The following DPF3 variants were observed in gnomAD, a reference collection of about 807,000 sequenced individuals.
DPF3 encodes zinc finger protein DPF3.
In DPF3, 18 loss-of-function variants were observed where a neutral mutation model predicts 56.8. That is an observed-to-expected ratio of 0.32 (90% CI 0.22 to 0.47). The LOEUF (loss-of-function observed/expected upper bound fraction) is 0.47. Ranked by LOEUF, DPF3 falls within the 20% of genes least tolerant of loss-of-function variation. The probability of loss-of-function intolerance (pLI) is 1.00; values close to 1 mark genes in which losing one functional copy is unlikely to be tolerated. For synonymous variants in DPF3, 188 were observed against 180.2 expected (o/e 1.04, Z -0.35); for missense variants, 403 against 488.8 (o/e 0.82, Z 1.65).
At chr14:72,778,984 A>G (rs1489470598) in intron 1 of DPF3, among the ~76,000 whole-genome samples, 1 of 152,218 alleles carries the variant, frequency 6.6e-6, no homozygotes, top group African/African-American at 2.4e-5. Context: ...TACCATTCAC[A>G]TCAGCGTCAA....
intron 1 of DPF3, among the ~76,000 whole-genome samples, chr14:72,835,268 G>A (rs558062189): frequency 5.7e-4 from 87 of 152,138 alleles, no homozygotes; most frequent in South Asian, 5.4e-3. Context: ...GGATTTCACC[G>A]TGTTGGCCAG....
At chr14:72,733,843 C>A (rs757022093) in intron 3 of DPF3, among the ~76,000 whole-genome samples, 1 of 152,150 alleles carries the variant, frequency 6.6e-6, no homozygotes, top group Non-Finnish European at 1.5e-5. Flanking sequence ...CATGAGGAAG[C>A]GGCAAGCGGG....
At chr14:72,663,563 T>C (rs1365184021) in intron 8 of DPF3, among the ~76,000 whole-genome samples, 1 of 152,224 alleles carries the variant, frequency 6.6e-6, no homozygotes, top group Non-Finnish European at 1.5e-5. Flanking sequence ...TAGCCACGCA[T>C]AGCTTTTGCT....
intron 1 of DPF3, among the ~76,000 whole-genome samples, chr14:72,772,568 A>G (rs992020358): frequency 6.6e-6 from 1 of 152,230 alleles, no homozygotes; most frequent in African/African-American, 2.4e-5. Context: ...AATTCAACTC[A>G]TGGAGTTTAA....
At chr14:72,642,329 G>A (rs1468506042) in intron 8 of DPF3, among the ~76,000 whole-genome samples, 1 of 152,246 alleles carries the variant, frequency 6.6e-6, no homozygotes, top group Non-Finnish European at 1.5e-5. Context: ...GGAACAGTAA[G>A]GGGCCTGGCT....
At chr14:72,745,064 T>C (rs1171155460) in intron 3 of DPF3, among the ~76,000 whole-genome samples, 3 of 136,032 alleles carry the variant, frequency 2.2e-5, no homozygotes, top group Non-Finnish European at 4.6e-5. Flanking sequence ...GGAGGGAAGA[T>C]GAGGAAAAGA....
chr14:72,724,543 G>T (rs532069202), intron 4 of DPF3, among the ~76,000 whole-genome samples: 1 of 151,894 alleles, frequency 6.6e-6, no homozygotes, highest in Admixed American at 6.6e-5. Flanking sequence ...GCCTAAGCAC[G>T]TCACTCCCTT....
intron 1 of DPF3, among the ~76,000 whole-genome samples, chr14:72,831,953 C>A (rs1018004961): frequency 1.3e-5 from 2 of 152,186 alleles, no homozygotes; most frequent in Non-Finnish European, 2.9e-5. Flanking sequence ...TGTGGTGGCT[C>A]ATGCCTGTAA....
chr14:72,860,165 T>G (rs1885339777), intron 1 of DPF3, among the ~76,000 whole-genome samples: 3 of 144,722 alleles, frequency 2.1e-5, no homozygotes, highest in Admixed American at 6.9e-5. Context: ...ACTTTTATTT[T>G]TATTAACATC....
intron 8 of DPF3, chr14:72,670,974 G>A: frequency 1.6e-6 from 1 of 617,474 alleles, no homozygotes; most frequent in Non-Finnish European, 2.6e-6. Context: ...CAGAGGGGTG[G>A]GGGGAGGGAT....
At chr14:72,748,926 G>A (rs1410148244) in intron 3 of DPF3, among the ~76,000 whole-genome samples, 1 of 152,220 alleles carries the variant, frequency 6.6e-6, no homozygotes, top group Non-Finnish European at 1.5e-5. Context: ...TAGGGGTGAG[G>A]TCCTCATGGA....
intron 3 of DPF3, among the ~76,000 whole-genome samples, chr14:72,752,417 C>A (rs764831918): frequency 6.6e-6 from 1 of 152,230 alleles, no homozygotes; most frequent in Non-Finnish European, 1.5e-5. Context: ...AATCCCAGCA[C>A]TTTGGGAAGC....
rs376458640 is a variant in DPF3, at chr14:72,838,908, C to CTTTTTTTTTTTTT, written c.32+55136_32+55148dup. 4.3e-4 allele frequency among the ~76,000 whole-genome samples: 34 copies of CTTTTTTTTTTTTT among 78,584 alleles called. 4 individuals are homozygous for CTTTTTTTTTTTTT. Among genetic ancestry groups the CTTTTTTTTTTTTT allele is most frequent in the African/African-American group, 1.8e-3 (26 of 14,408 alleles). 51.6% of individuals were successfully genotyped at this position (78,584 alleles called of 152,430 possible). A position where few individuals can be genotyped will look rare whatever the true frequency, so the allele number is the denominator to read the frequency against. ...TATCATATATATTATCATATATATT[C>CTTTTTTTTTTTTT]TTTTTTTTTTTTTTTTTTTTTTTTT... is the stretch of plus-strand genomic sequence containing the variant. On this transcript the variant is annotated intron_variant, in intron 1 of 10. Transcript: ENST00000556509.
At chr14:72,689,646 C>T (rs1019251597) in intron 7 of DPF3, among the ~76,000 whole-genome samples, 1 of 152,186 alleles carries the variant, frequency 6.6e-6, no homozygotes, top group African/African-American at 2.4e-5. Context: ...ATTAATGATG[C>T]TGGCAATTAG....
chr14:72,738,050 T>C (rs1331070141), intron 3 of DPF3, among the ~76,000 whole-genome samples: 1 of 152,100 alleles, frequency 6.6e-6, no homozygotes, highest in East Asian at 1.9e-4. Context: ...AGCTTAAGAA[T>C]CATTATTTCA....
At chr14:72,853,060 T>TGTGTGTGTGTGTGTGTGC (rs1447817657) in intron 1 of DPF3, among the ~76,000 whole-genome samples, 1 of 151,822 alleles carries the variant, frequency 6.6e-6, no homozygotes, top group Non-Finnish European at 1.5e-5. Context: ...TGTGTGTGTG[T>TGTGTGTGTGTGTGTGTGC]GTGTATGCAT....
At chr14:72,861,643 C>T (rs953683510) in intron 1 of DPF3, among the ~76,000 whole-genome samples, 3 of 149,856 alleles carry the variant, frequency 2.0e-5, no homozygotes, top group Non-Finnish European at 4.4e-5. Context: ...ATTTGGTGCA[C>T]GAGAACTTCC....
intron 2 of DPF3, among the ~76,000 whole-genome samples, chr14:72,754,967 A>C (rs979414789): frequency 5.3e-5 from 8 of 152,240 alleles, no homozygotes; most frequent in Non-Finnish European, 1.5e-5. Flanking sequence ...CAGAAATGTC[A>C]GAATTGAATG....
intron 2 of DPF3, among the ~76,000 whole-genome samples, chr14:72,765,069 A>T (rs1231504619): frequency 2.0e-5 from 3 of 152,242 alleles, no homozygotes; most frequent in African/African-American, 7.2e-5. Context: ...ACATCTGCTC[A>T]CAGAAATATT....
Sources: allele counts gnomAD v4.1 joint callset (sites outside exome capture counted in the v4.1 genomes callset), GRCh38; gene constraint gnomAD v4.1.1; transcripts MANE v1.5; gene names NCBI Gene and HGNC (gene_info 2026-07-23, HGNC 2026-07-21).